Variants in PUDP observed in about 807,000 individuals in gnomAD.
PUDP encodes pseudouridine 5'-phosphatase.
Under a neutral mutation model 9.4 loss-of-function variants are expected in PUDP, and 8 were observed. The observed-to-expected ratio is 0.85, with a 90% confidence interval of 0.50 to 1.53. The LOEUF (loss-of-function observed/expected upper bound fraction) is 1.53, where lower values mean the gene tolerates loss of function less well. Ranked by LOEUF, PUDP falls within the 40% of genes most tolerant of loss-of-function variation. PUDP has a pLI of 0.00. For synonymous variants in PUDP, 99 were observed against 80.7 expected, an observed-to-expected ratio of 1.23 and a Z score of -1.22; for missense variants, 188 against 189.7, an observed-to-expected ratio of 0.99 and a Z score of 0.05.
intron 2 of PUDP, among the ~76,000 whole-genome samples, chrX:7,105,129 T>A (rs1931842703): frequency 9.0e-6 from 1 of 110,754 alleles, no homozygotes; most frequent in Non-Finnish European, 1.9e-5. Context: ...AAGAAAGGGC[T>A]GAACGGCATA....
At chrX:7,072,885 G>T (rs762080250) in intron 3 of PUDP, among the ~76,000 whole-genome samples, 3 of 109,985 alleles carry the variant, frequency 2.7e-5, no homozygotes, top group South Asian at 3.9e-4. Flanking sequence ...AACCCTAGAA[G>T]TGATATGTAA....
chrX:6,923,960 A>G (rs1459543525), intron 3 of PUDP, among the ~76,000 whole-genome samples: 2 of 110,320 alleles, frequency 1.8e-5, no homozygotes, highest in Admixed American at 9.7e-5. Context: ...AACTCATACC[A>G]TGTCCATGGA....
intron 3 of PUDP, among the ~76,000 whole-genome samples, chrX:6,914,157 AC>A (rs1324658835): frequency 3.0e-5 from 2 of 66,452 alleles, no homozygotes; most frequent in African/African-American, 1.3e-4. Context: ...ACAGAGAGAG[AC>A]CCCGTCTCAA....
rs745507486 is a variant in PUDP at position 6,971,583 on chromosome X, A to ATT, written c.*247+5548_*247+5549dup. Among the ~76,000 whole-genome samples, 125 of 95,313 alleles carry ATT rather than the reference A, an allele frequency of 1.3e-3. 1 individual carries two copies. Among genetic ancestry groups the ATT allele is most frequent in the African/African-American group, 2.3e-3 (61 of 26,215 alleles). 82.8% of individuals were successfully genotyped at this position (95,313 alleles called of 115,157 possible). A position where few individuals can be genotyped will look rare whatever the true frequency, so the allele number is the denominator to read the frequency against. ...AGGCGCCCACCACCACGCCCGGCTA[A>ATT]TTTTTTTTTTTTTTGTATTTTCAGT... On this transcript the variant is annotated intron_variant and NMD_transcript_variant, in intron 3 of 3. Coordinates refer to the PUDP transcript ENST00000655425.
intron 1 of PUDP, among the ~76,000 whole-genome samples, chrX:7,121,943 G>C (rs1276677645): frequency 3.6e-5 from 4 of 112,203 alleles, no homozygotes; most frequent in African/African-American, 1.3e-4. Context: ...CCAGGCACCT[G>C]GGAAGCTGTG....
At chrX:6,752,690 G>T (rs1043507767) in intron 3 of PUDP, among the ~76,000 whole-genome samples, 1 of 110,868 alleles carries the variant, frequency 9.0e-6, no homozygotes, top group Non-Finnish European at 1.9e-5. Flanking sequence ...TAAGAAGGAG[G>T]GAAGGATAGG....
At chrX:6,975,322 C>T in intron 3 of PUDP, among the ~76,000 whole-genome samples, 1 of 111,395 alleles carries the variant, frequency 9.0e-6, no homozygotes, top group South Asian at 3.8e-4. Context: ...CCTTTTTATA[C>T]TGGTTTTTCC....
intron 3 of PUDP, among the ~76,000 whole-genome samples, chrX:6,906,622 A>T (rs1211414866): frequency 8.9e-6 from 1 of 112,299 alleles, no homozygotes; most frequent in Non-Finnish European, 1.9e-5. Context: ...TGAGAGCTGT[A>T]AATTATCTGA....
At chrX:6,802,254 G>A (rs1292349968) in intron 3 of PUDP, among the ~76,000 whole-genome samples, 2 of 111,452 alleles carry the variant, frequency 1.8e-5, no homozygotes, top group Non-Finnish European at 3.8e-5. Flanking sequence ...GAGGATGGGT[G>A]AATAGACACA....
chrX:7,098,427 C>T (rs1426590067), intron 2 of PUDP, among the ~76,000 whole-genome samples: 1 of 111,300 alleles, frequency 9.0e-6, no homozygotes, highest in Admixed American at 9.5e-5. Flanking sequence ...TCATGACAGC[C>T]CTAATCCCAT....
At chrX:6,887,748 A>C (rs751732504) in intron 3 of PUDP, among the ~76,000 whole-genome samples, 8 of 112,084 alleles carry the variant, frequency 7.1e-5, no homozygotes, top group Non-Finnish European at 1.3e-4. Flanking sequence ...TTTGAAATCC[A>C]CATCTTCACC....
chrX:6,826,998 G>A (rs1177366862), intron 3 of PUDP, among the ~76,000 whole-genome samples: 1 of 111,924 alleles, frequency 8.9e-6, no homozygotes, highest in Non-Finnish European at 1.9e-5. Context: ...TGGAAGCAGT[G>A]ATTGTTAGGG....
intron 1 of PUDP, among the ~76,000 whole-genome samples, chrX:7,141,601 T>C (rs1454690040): frequency 8.8e-6 from 1 of 113,125 alleles, no homozygotes; most frequent in East Asian, 2.8e-4. Context: ...CAGCAAGTTA[T>C]CCAGGAGAGC....
chrX:6,887,671 C>T (rs964229245), intron 3 of PUDP, among the ~76,000 whole-genome samples: 7 of 111,850 alleles, frequency 6.3e-5, no homozygotes, highest in Non-Finnish European at 1.1e-4. Context: ...TACAAAGGAC[C>T]TCAGCAAATG....
intron 3 of PUDP, among the ~76,000 whole-genome samples, chrX:6,932,637 G>C (rs1228241567): frequency 1.8e-5 from 2 of 110,543 alleles, no homozygotes; most frequent in African/African-American, 3.3e-5. Context: ...GTGGGTGCGC[G>C]CACCGTGCGC....
chrX:7,125,624 G>C (rs1243734861), intron 1 of PUDP, among the ~76,000 whole-genome samples: 1 of 111,572 alleles, frequency 9.0e-6, no homozygotes, highest in South Asian at 3.8e-4. Flanking sequence ...TCATTTTCAG[G>C]CTGCTGATAA....
At chrX:6,774,908 C>T (rs1392950866) in intron 3 of PUDP, among the ~76,000 whole-genome samples, 1 of 112,562 alleles carries the variant, frequency 8.9e-6, no homozygotes, top group Non-Finnish European at 1.9e-5. Flanking sequence ...GCCTGTTCTC[C>T]AAACTATGAT....
At chrX:6,776,322 A>T (rs1386885292) in intron 3 of PUDP, among the ~76,000 whole-genome samples, 1 of 110,130 alleles carries the variant, frequency 9.1e-6, no homozygotes, top group African/African-American at 3.3e-5. Flanking sequence ...ACTTGAGGGC[A>T]GGAGTTTGAG....
chrX:6,957,272 C>T (rs1040115928), intron 3 of PUDP, among the ~76,000 whole-genome samples: 10 of 110,501 alleles, frequency 9.0e-5, no homozygotes, highest in African/African-American at 3.0e-4. Flanking sequence ...CCTGATGCAA[C>T]AGGTTTAAGA....
Sources: allele counts gnomAD v4.1 joint callset (sites outside exome capture counted in the v4.1 genomes callset), GRCh38; gene constraint gnomAD v4.1.1; transcripts MANE v1.5; gene names NCBI Gene and HGNC (gene_info 2026-07-23, HGNC 2026-07-21).